Variants in CNTNAP2 observed in about 807,000 individuals in gnomAD.
CNTNAP2 encodes contactin-associated protein-like 2.
Under a neutral mutation model 155.2 loss-of-function variants are expected in CNTNAP2, and 98 were observed. The observed-to-expected ratio is 0.63, with a 90% CI of 0.54 to 0.75. CNTNAP2 has a LOEUF of 0.75. Among genes scored for constraint, CNTNAP2 ranks in the 30% least tolerant of loss-of-function variants. The pLI, the probability that CNTNAP2 is intolerant of heterozygous loss-of-function variation, is 0.00. For missense variants in CNTNAP2, 1,727 were observed against 1,688.1 expected, an observed-to-expected ratio of 1.02 and a Z score of -0.40; for synonymous variants, 651 against 631.2, an observed-to-expected ratio of 1.03 and a Z score of -0.47.
At chr7:148,354,193 T>A (rs1458034511) in intron 21 of CNTNAP2, among the ~76,000 whole-genome samples, 2 of 149,660 alleles carry the variant, frequency 1.3e-5, no homozygotes, top group East Asian at 2.0e-4. Flanking sequence ...TTTTTTTTTT[T>A]TTTTTTTTTT....
chr7:147,399,879 C>G (rs1437535503), intron 10 of CNTNAP2, among the ~76,000 whole-genome samples: 1 of 152,162 alleles, frequency 6.6e-6, no homozygotes, highest in Admixed American at 6.5e-5. Flanking sequence ...ACAATGGAAG[C>G]TGCTAGCTTG....
chr7:146,637,658 C>T (rs969438165), intron 1 of CNTNAP2, among the ~76,000 whole-genome samples: 5 of 152,064 alleles, frequency 3.3e-5, no homozygotes, highest in African/African-American at 1.2e-4. Flanking sequence ...GGGACAGGAC[C>T]AGTTTTGAAG....
chr7:147,983,144 A>G (rs763082997), intron 15 of CNTNAP2, among the ~76,000 whole-genome samples: 1 of 152,026 alleles, frequency 6.6e-6, no homozygotes, highest in Non-Finnish European at 1.5e-5. Context: ...CTTTCAGAAG[A>G]TAATACCCAC....
At chr7:147,780,952 G>C (rs1239918057) in intron 13 of CNTNAP2, among the ~76,000 whole-genome samples, 1 of 152,120 alleles carries the variant, frequency 6.6e-6, no homozygotes, top group Non-Finnish European at 1.5e-5. Context: ...GAGGAGACAG[G>C]TTCCTCTGAA....
intron 9 of CNTNAP2, 45 bp from the exon 10 acceptor site, chr7:147,395,564 T>C (rs1796799261): frequency 6.3e-7 from 1 of 1,597,262 alleles, no homozygotes; most frequent in African/African-American, 1.3e-5. Flanking sequence ...TAGTGAAGGT[T>C]ATACTGTACA....
At position 146,964,538 on chromosome 7, in the gene CNTNAP2, A is replaced by G. The variant is rs1411982380; in HGVS notation, c.403-79369A>G. ...AAAACTGACAAGGTGATATTAAGAT[A>G]AAATATATTACCTCCTTTCAGTGTT... On this transcript the variant is annotated intron_variant, in intron 3 of 23. Coordinates refer to ENST00000361727, the MANE Select transcript of CNTNAP2 (RefSeq NM_014141.6). Among the ~76,000 whole-genome samples the G allele has an allele frequency of 5.3e-5, 8 of 152,220 alleles. 1 individual carries two copies. Among genetic ancestry groups the G allele is most frequent in the Admixed American group, 5.2e-4 (8 of 15,268 alleles).
At chr7:147,011,002 C>T (rs1798612873) in intron 3 of CNTNAP2, among the ~76,000 whole-genome samples, 1 of 152,070 alleles carries the variant, frequency 6.6e-6, no homozygotes, top group Non-Finnish European at 1.5e-5. Context: ...CCTGCCCCAT[C>T]TGAGGAAGCT....
intron 13 of CNTNAP2, among the ~76,000 whole-genome samples, chr7:147,889,486 G>A (rs1563124872): frequency 1.3e-5 from 2 of 151,962 alleles, no homozygotes; most frequent in South Asian, 2.1e-4. Context: ...CTATTGATAC[G>A]AATGCAAATG....
chr7:147,839,197 C>T (rs1002077559), intron 13 of CNTNAP2, among the ~76,000 whole-genome samples: 1 of 152,092 alleles, frequency 6.6e-6, no homozygotes, highest in African/African-American at 2.4e-5. Flanking sequence ...TGTATCCACC[C>T]AGATTGAGGG....
At chr7:146,864,074 T>C (rs1795155566) in intron 3 of CNTNAP2, among the ~76,000 whole-genome samples, 1 of 152,106 alleles carries the variant, frequency 6.6e-6, no homozygotes, top group African/African-American at 2.4e-5. Flanking sequence ...TATGTACCTT[T>C]CTATATGTAT....
At chr7:147,195,649 T>G (rs1229668741) in intron 8 of CNTNAP2, among the ~76,000 whole-genome samples, 1 of 152,170 alleles carries the variant, frequency 6.6e-6, no homozygotes, top group Non-Finnish European at 1.5e-5. Context: ...TTGTTAACTA[T>G]ATTCCTAGGT....
chr7:147,156,880 A>T (rs1454122196), intron 8 of CNTNAP2, among the ~76,000 whole-genome samples: 2 of 152,122 alleles, frequency 1.3e-5, no homozygotes, highest in Non-Finnish European at 2.9e-5. Flanking sequence ...TTGCAAGCAT[A>T]TGTCACCTTT....
chr7:146,542,593 G>A (rs1416278539), intron 1 of CNTNAP2, among the ~76,000 whole-genome samples: 1 of 150,698 alleles, frequency 6.6e-6, no homozygotes, highest in Non-Finnish European at 1.5e-5. Context: ...CTCTCCTTTA[G>A]AGACCCCCCC....
intron 9 of CNTNAP2, among the ~76,000 whole-genome samples, chr7:147,359,556 T>C (rs562130464): frequency 6.6e-6 from 1 of 152,264 alleles, no homozygotes; most frequent in South Asian, 2.1e-4. Context: ...TAAAGTCCTA[T>C]ACAACAGGTC....
At chr7:146,792,675 G>A (rs1445965829) in intron 2 of CNTNAP2, among the ~76,000 whole-genome samples, 4 of 152,126 alleles carry the variant, frequency 2.6e-5, no homozygotes, top group Non-Finnish European at 5.9e-5. Context: ...ACAAGGGAAC[G>A]TTTTAGAGAC....
intron 1 of CNTNAP2, among the ~76,000 whole-genome samples, chr7:146,394,151 G>C (rs1414425937): frequency 6.6e-6 from 1 of 152,120 alleles, no homozygotes; most frequent in East Asian, 1.9e-4. Flanking sequence ...CATGTGGATT[G>C]CCATGGGCAT....
chr7:146,862,728 G>A (rs914369231), intron 3 of CNTNAP2, among the ~76,000 whole-genome samples: 1 of 152,138 alleles, frequency 6.6e-6, no homozygotes, highest in Non-Finnish European at 1.5e-5. Flanking sequence ...ACTTGGCTAG[G>A]AATTCAAAAT....
chr7:147,453,591 A>G (rs778619821), intron 10 of CNTNAP2, among the ~76,000 whole-genome samples: 4 of 152,178 alleles, frequency 2.6e-5, no homozygotes, highest in Non-Finnish European at 5.9e-5. Context: ...TTCAAAAGAG[A>G]ATAAACCTCA....
intron 21 of CNTNAP2, among the ~76,000 whole-genome samples, chr7:148,301,292 T>TAAAAAAAA (rs1191956788): frequency 6.7e-5 from 8 of 118,750 alleles, no homozygotes; most frequent in African/African-American, 2.8e-4. Flanking sequence ...AGACTCCGTC[T>TAAAAAAAA]AAAAAAAAAA....
Sources: allele counts gnomAD v4.1 joint callset (sites outside exome capture counted in the v4.1 genomes callset), GRCh38; gene constraint gnomAD v4.1.1; transcripts MANE v1.5; gene names NCBI Gene and HGNC (gene_info 2026-07-23, HGNC 2026-07-21).